The following LARGE1 variants were observed in gnomAD, a reference collection of about 807,000 sequenced individuals.
LARGE1 encodes the protein LARGE xylosyl- and glucuronyltransferase 1, also known as xylosyl- and glucuronyltransferase LARGE1.
Under a neutral mutation model 87.6 loss-of-function variants are expected in LARGE1, and 43 were observed. That is an observed-to-expected ratio of 0.49 (90% CI 0.38 to 0.63). LARGE1 has a LOEUF of 0.63. LARGE1 is among the 30% of genes least tolerant of loss of function. The probability of loss-of-function intolerance (pLI) is 0.00; values close to 1 mark genes in which losing one functional copy is unlikely to be tolerated. For synonymous variants in LARGE1, 434 were observed against 394.6 expected (o/e 1.10, Z -1.18); for missense variants, 802 against 1,000.2 (o/e 0.80, Z 2.67).
chr22:33,086,710 AC>A, the LARGE1 span, among the ~76,000 whole-genome samples: 2 of 151,530 alleles, frequency 1.3e-5, no homozygotes, highest in Non-Finnish European at 2.9e-5. Context: ...ATGCCACCAC[AC>A]CCAGCTAATT....
In LARGE1 at chr22:33,834,791, T is replaced by C. The variant is rs533124617; in HGVS notation, c.-82-73233A>G. Reference sequence around the variant, plus strand: ...CATTTAAGATGAACAAAATTTTCTTTTAAAAAAGCCAAATGGTAAAAGTGA... The same window carrying C: ...CATTTAAGATGAACAAAATTTTCTTCTAAAAAAGCCAAATGGTAAAAGTGA... On this transcript the variant is annotated intron_variant, in intron 1 of 14. Transcript: ENST00000397394. Among the ~76,000 whole-genome samples the C allele has an allele frequency of 8.5e-5, 13 of 152,288 alleles. No homozygotes were observed. The South Asian group carries it at 2.7e-3, about 32-fold the overall frequency.
intron 2 of LARGE1, among the ~76,000 whole-genome samples, chr22:33,665,824 G>A (rs537250978): frequency 7.2e-5 from 11 of 152,096 alleles, no homozygotes; most frequent in East Asian, 5.8e-4. Flanking sequence ...CCCAGGAGGC[G>A]GAGCTTGCAG....
Position 33,642,710 on chromosome 22 carries a change from C to CAAAAAAAAAAA in LARGE1, c.408+7646_408+7656dup, listed in dbSNP as rs60815644. Among the ~76,000 whole-genome samples, 11 of 17,356 alleles carry CAAAAAAAAAAA rather than the reference C, an allele frequency of 6.3e-4. 1 individual carries two copies. The highest frequency in any genetic ancestry group is 1.9e-3 in the Admixed American group (2 of 1,046). The allele number at this position is 17,356 out of a possible 152,430, so 11.4% of individuals were successfully genotyped here. A position where few individuals can be genotyped will look rare whatever the true frequency, so the allele number is the denominator to read the frequency against. The stretch of plus-strand genomic sequence containing the variant: ...GAATATTTACCAAGCAAATGGAAAG[C>CAAAAAAAAAAA]AAAAAAAAAAAAAAAAAAAAAAAAA... On this transcript the variant is annotated intron_variant, in intron 3 of 14. Coordinates refer to ENST00000397394, the MANE Select transcript of LARGE1 (RefSeq NM_133642.5).
chr22:33,828,232 C>A (rs2062855967), intron 1 of LARGE1, among the ~76,000 whole-genome samples: 1 of 152,176 alleles, frequency 6.6e-6, no homozygotes, highest in South Asian at 2.1e-4. Flanking sequence ...TGAGAAGAAG[C>A]CACAGAACCT....
intron 7 of LARGE1, among the ~76,000 whole-genome samples, chr22:33,407,146 C>T (rs1296458474): frequency 6.6e-6 from 1 of 152,090 alleles, no homozygotes; most frequent in Non-Finnish European, 1.5e-5. Context: ...TGCCAGGGAC[C>T]ACTCTATTAT....
At chr22:33,529,675 G>A (rs923372828) in intron 6 of LARGE1, among the ~76,000 whole-genome samples, 2 of 152,190 alleles carry the variant, frequency 1.3e-5, no homozygotes, top group Admixed American at 6.5e-5. Context: ...AGGTTTGCTG[G>A]AACAGATAGC....
intron 7 of LARGE1, among the ~76,000 whole-genome samples, chr22:33,401,467 T>C (rs1024996399): frequency 1.3e-5 from 2 of 151,934 alleles, no homozygotes; most frequent in Non-Finnish European, 2.9e-5. Flanking sequence ...AGCCCATTAG[T>C]CATAAAAAAA....
chr22:33,134,031 A>G, the LARGE1 span, among the ~76,000 whole-genome samples: 2 of 152,206 alleles, frequency 1.3e-5, no homozygotes, highest in Non-Finnish European at 2.9e-5. Flanking sequence ...GTACAATGAA[A>G]ATCAAAGACA....
chr22:33,634,014 A>G (rs1685702604), intron 3 of LARGE1, among the ~76,000 whole-genome samples: 3 of 152,218 alleles, frequency 2.0e-5, no homozygotes, highest in African/African-American at 7.2e-5. Context: ...CCTCATCCGT[A>G]AAACGGAGAT....
chr22:33,905,062 CTTTTTTTTT>C (rs71187290), intron 1 of LARGE1, among the ~76,000 whole-genome samples: 2 of 118,886 alleles, frequency 1.7e-5, no homozygotes, highest in East Asian at 2.2e-4. Context: ...TTTTTAATTC[CTTTTTTTTT>C]TTTTTTTTTT....
At chr22:33,555,000 C>T (rs2077633359) in intron 6 of LARGE1, among the ~76,000 whole-genome samples, 1 of 152,190 alleles carries the variant, frequency 6.6e-6, no homozygotes, top group Non-Finnish European at 1.5e-5. Flanking sequence ...ATGGGTTCTG[C>T]ATCTGTGGAT....
At chr22:33,719,559 CA>C (rs1197461058) in intron 2 of LARGE1, among the ~76,000 whole-genome samples, 1 of 151,702 alleles carries the variant, frequency 6.6e-6, no homozygotes, top group South Asian at 2.1e-4. Context: ...CTCACTCTGT[CA>C]CCCAGGCTGG....
intron 12 of LARGE1, among the ~76,000 whole-genome samples, chr22:33,286,112 C>T (rs372774086): frequency 6.6e-6 from 1 of 152,196 alleles, no homozygotes; most frequent in East Asian, 1.9e-4. Flanking sequence ...AGAGTGTGGA[C>T]GAGCTCTACT....
chr22:33,427,295 T>A (rs79957934), intron 7 of LARGE1, among the ~76,000 whole-genome samples: 1,702 of 152,332 alleles, frequency 0.011, 35 homozygotes, highest in African/African-American at 0.039. Flanking sequence ...AAGAGCTTCA[T>A]GCTAGGATCT....
intron 2 of LARGE1, among the ~76,000 whole-genome samples, chr22:33,698,561 T>C (rs951363582): frequency 1.3e-5 from 2 of 152,208 alleles, no homozygotes; most frequent in Admixed American, 6.5e-5. Context: ...CTGCCCGCCT[T>C]AGCCTCCCAA....
chr22:33,299,539 T>C (rs1489104176), intron 12 of LARGE1, among the ~76,000 whole-genome samples: 3 of 152,000 alleles, frequency 2.0e-5, no homozygotes, highest in Non-Finnish European at 4.4e-5. Flanking sequence ...CTACCCAGGC[T>C]GCACAGAAGG....
At chr22:33,521,758 G>T (rs1269235385) in intron 6 of LARGE1, among the ~76,000 whole-genome samples, 1 of 152,188 alleles carries the variant, frequency 6.6e-6, no homozygotes, top group Non-Finnish European at 1.5e-5. Context: ...GTCTGCAAGG[G>T]AAGCTGAGAG....
At chr22:33,311,114 C>T (rs887844880) in intron 11 of LARGE1, among the ~76,000 whole-genome samples, 11 of 152,120 alleles carry the variant, frequency 7.2e-5, no homozygotes, top group African/African-American at 2.4e-4. Context: ...GCGCCCGCCA[C>T]CATGCCAGGC....
At chr22:33,672,722 G>C (rs905877056) in intron 2 of LARGE1, among the ~76,000 whole-genome samples, 11 of 152,150 alleles carry the variant, frequency 7.2e-5, no homozygotes, top group Non-Finnish European at 1.6e-4. Context: ...CTCAATGCTA[G>C]AAATAAGCTT....
Sources: allele counts gnomAD v4.1 joint callset (sites outside exome capture counted in the v4.1 genomes callset), GRCh38; gene constraint gnomAD v4.1.1; transcripts MANE v1.5; gene names NCBI Gene and HGNC (gene_info 2026-07-23, HGNC 2026-07-21).